STAT3: variants seen among roughly 807,000 people sequenced by gnomAD.
STAT3 encodes signal transducer and activator of transcription 3, also known as DNA-binding protein APRF.
A neutral mutation model predicts 114.3 loss-of-function variants in STAT3; 7 were observed. The observed-to-expected ratio is 0.06, with a 90% CI of 0.03 to 0.11. STAT3 has a LOEUF of 0.11. STAT3 is among the 10% of genes least tolerant of loss of function. The pLI is 1.00. For synonymous variants in STAT3, 331 were observed against 354.5 expected (o/e 0.93, Z 0.74); for missense variants, 364 against 960.9 (o/e 0.38, Z 8.21).
At chr17:42,364,365 G>A (rs962449637) in intron 1 of STAT3, among the ~76,000 whole-genome samples, 1 of 152,184 alleles carries the variant, frequency 6.6e-6, no homozygotes, top group African/African-American at 2.4e-5. Flanking sequence ...AAAAACAGTG[G>A]TAGGTTGAGC....
At chr17:42,345,722 G>A in intron 3 of STAT3, 65 bp from the exon 4 acceptor site, 2 of 1,410,880 alleles carry the variant, frequency 1.4e-6, no homozygotes, top group Non-Finnish European at 2.0e-6. Flanking sequence ...ACTGAACTGT[G>A]GCACCTTAAA....
chr17:42,374,441 C>G (rs2145294672), intron 1 of STAT3, among the ~76,000 whole-genome samples: 1 of 152,100 alleles, frequency 6.6e-6, no homozygotes, highest in East Asian at 1.9e-4. Context: ...AACCCCGTCT[C>G]TACTAAAAAT....
At chr17:42,353,854 A>G (rs1270732810) in intron 1 of STAT3, among the ~76,000 whole-genome samples, 1 of 152,128 alleles carries the variant, frequency 6.6e-6, no homozygotes, top group Non-Finnish European at 1.5e-5. Flanking sequence ...GACTGCAGGC[A>G]TGAGGCATCA....
At chr17:42,352,651 CAAAA>C (rs766577639) in intron 1 of STAT3, among the ~76,000 whole-genome samples, 2 of 78,896 alleles carry the variant, frequency 2.5e-5, no homozygotes, top group Non-Finnish European at 2.6e-5. Context: ...GACTCTGTCT[CAAAA>C]AAAAAAAAAA....
At chr17:42,368,925 G>C (rs2083953128) in intron 1 of STAT3, among the ~76,000 whole-genome samples, 1 of 151,972 alleles carries the variant, frequency 6.6e-6, no homozygotes, top group African/African-American at 2.4e-5. Flanking sequence ...GTAAACCCCA[G>C]TATCTGTGGT....
intron 1 of STAT3, among the ~76,000 whole-genome samples, chr17:42,382,920 G>C (rs903500692): frequency 6.6e-6 from 1 of 152,152 alleles, no homozygotes; most frequent in African/African-American, 2.4e-5. Context: ...TGGAATTACA[G>C]GCATGAGCCA....
At chr17:42,335,625 T>C (rs1485282259) in intron 8 of STAT3, among the ~76,000 whole-genome samples, 2 of 152,178 alleles carry the variant, frequency 1.3e-5, no homozygotes, top group African/African-American at 4.8e-5. Flanking sequence ...TCTCCAAGAA[T>C]AGAGATATTA....
In STAT3 at chr17:42,322,302, T is replaced by C; in HGVS notation, c.2081A>G (p.His694Arg). Reference sequence around the variant, plus strand: ...ACAACTACCTGGGTCAGCTTCAGGATGCTCCTGGCTCTCTGGCCGACAATA... The same window carrying C: ...ACAACTACCTGGGTCAGCTTCAGGACGCTCCTGGCTCTCTGGCCGACAATA... ...GKYCRPESQEHPEADPGSAAP... is the reference protein window; with the variant it reads ...GKYCRPESQERPEADPGSAAP... The change falls in exon 21 of 24, where the codon CAT becomes CGT. Residue 694 changes from histidine (H) to arginine (R), a missense_variant. By Grantham distance (29) the His-to-Arg change is conservative. Coordinates refer to ENST00000264657, the MANE Select transcript of STAT3 (RefSeq NM_139276.3). 6 of 1,614,258 alleles carry C rather than the reference T, an allele frequency of 3.7e-6. No individual in the cohort carries two copies. The highest frequency in any genetic ancestry group is 5.1e-6 in the Non-Finnish European group (6 of 1,180,048).
At chr17:42,331,033 G>A (rs986025578) in intron 11 of STAT3, among the ~76,000 whole-genome samples, 4 of 152,166 alleles carry the variant, frequency 2.6e-5, no homozygotes, top group Non-Finnish European at 5.9e-5. Context: ...TACAGCCTAC[G>A]ACCAGTAGGC....
In STAT3 at chr17:42,383,666, A is replaced by G. The variant is rs962743641; in HGVS notation, c.-24+4613T>C. 2.0e-5 allele frequency among the ~76,000 whole-genome samples: 3 copies of G among 152,296 alleles called. No individual in the cohort carries two copies. The East Asian group carries it at 5.8e-4, about 29-fold the overall frequency. On this transcript the variant is annotated intron_variant, in intron 1 of 23. Coordinates refer to ENST00000264657, the MANE Select transcript of STAT3 (RefSeq NM_139276.3). ...CCACCATATTAATTCTTTACACCAT[A>G]ATCAATAAGGGCTGGGCCAGCCCAG...
At chr17:42,329,328 T>C (rs2144763277) in intron 14 of STAT3, 82 bp downstream of exon 14, 1 of 1,584,368 alleles carries the variant, frequency 6.3e-7, no homozygotes, top group Admixed American at 1.7e-5. Flanking sequence ...ATGTTTCTAA[T>C]TCTGGGGATT....
rs2082127092 is a variant in STAT3 at position 42,333,941 on chromosome 17, C to T, written c.906G>A (p.Arg302=). The change falls in exon 9 of 24, where the codon CGG becomes CGA. Residue 302 remains arginine, a synonymous_variant. Coordinates refer to ENST00000264657, the MANE Select transcript of STAT3 (RefSeq NM_139276.3). The surrounding 1 kb of genome is among the most constrained non-coding windows in gnomAD (Gnocchi z 5.2). ...CCACGATTCTCTCCTCCAGCATCGG[C>T]CGGTGCTGTACAATGGGGTCCCCTT... ...SYKGDPIVQH[R]PMLEERIVEL... is the part of the protein sequence containing the mutation. The T allele has an allele frequency of 2.5e-6, 4 of 1,614,192 alleles. No homozygotes were observed. Among genetic ancestry groups the T allele is most frequent in the Non-Finnish European group, 3.4e-6 (4 of 1,180,054 alleles).
At chr17:42,326,262 C>G (rs1324679451) in intron 14 of STAT3, 63 bp from the exon 15 acceptor site, 1 of 1,477,140 alleles carries the variant, frequency 6.8e-7, no homozygotes, top group African/African-American at 1.4e-5. Context: ...AATCCCAGCA[C>G]TTTGGGAGGC....
intron 1 of STAT3, among the ~76,000 whole-genome samples, chr17:42,378,609 GAA>G (rs1282387464): frequency 1.3e-5 from 2 of 152,188 alleles, no homozygotes; most frequent in African/African-American, 4.8e-5. Flanking sequence ...ACATACTGAT[GAA>G]AAGAGGCCCA....
At chr17:42,358,513 G>A (rs1286968267) in intron 1 of STAT3, among the ~76,000 whole-genome samples, 1 of 152,166 alleles carries the variant, frequency 6.6e-6, no homozygotes, top group Non-Finnish European at 1.5e-5. Flanking sequence ...AGCTGCCTAA[G>A]AACAGGTCTG....
chr17:42,347,845 C>T (rs1157197987), intron 2 of STAT3, among the ~76,000 whole-genome samples: 1 of 152,224 alleles, frequency 6.6e-6, no homozygotes, highest in Non-Finnish European at 1.5e-5. Flanking sequence ...TGATTGGAAG[C>T]TTGCTGAGGC....
Position 42,324,634 on chromosome 17 carries a change from GC to G in STAT3, c.1600+76del. 6.7e-7 allele frequency: 1 copy of G among 1,495,464 alleles called. No homozygotes were observed. The highest frequency in any genetic ancestry group is 1.2e-5 in the South Asian group (1 of 82,080). The allele number at this position is 1,495,464 out of a possible 1,614,324, so 92.6% of individuals were successfully genotyped here. A position where few individuals can be genotyped will look rare whatever the true frequency, so the allele number is the denominator to read the frequency against. On this transcript the variant is annotated intron_variant, in intron 17 of 23. Transcript: ENST00000264657. The surrounding 1 kb of genome is among the most constrained non-coding windows in gnomAD (Gnocchi z 4.5). Reference sequence around the variant, plus strand: ...CATGGCCTAATGCTCAGTAGACATGGCCCAAATGAACAGCCCTATGGGCCGG... The same window carrying G: ...CATGGCCTAATGCTCAGTAGACATGGCCAAATGAACAGCCCTATGGGCCGG...
chr17:42,330,199 C>T (rs2081942171), intron 11 of STAT3, among the ~76,000 whole-genome samples: 1 of 151,418 alleles, frequency 6.6e-6, no homozygotes, highest in Admixed American at 6.6e-5. Context: ...TCACCACAAC[C>T]TCCACCTCCT....
At chr17:42,358,611 TC>T (rs1347807959) in intron 1 of STAT3, among the ~76,000 whole-genome samples, 1 of 152,116 alleles carries the variant, frequency 6.6e-6, no homozygotes, top group East Asian at 1.9e-4. Flanking sequence ...TGGGAACACT[TC>T]CACTTCCCCA....
Sources: allele counts gnomAD v4.1 joint callset (sites outside exome capture counted in the v4.1 genomes callset), GRCh38; gene constraint gnomAD v4.1.1; non-coding constraint Gnocchi (gnomAD v3.1); transcripts MANE v1.5; gene names NCBI Gene and HGNC (gene_info 2026-07-23, HGNC 2026-07-21).